The following HEATR5A variants were observed in gnomAD, a reference collection of about 807,000 sequenced individuals.
HEATR5A encodes the protein HEAT repeat containing 5A.
Under a neutral mutation model 218.8 loss-of-function variants are expected in HEATR5A, and 178 were observed. The observed-to-expected ratio is 0.81, with a 90% CI of 0.72 to 0.92. The LOEUF (loss-of-function observed/expected upper bound fraction) is 0.92. HEATR5A is among the 40% of genes least tolerant of loss of function. HEATR5A has a pLI of 0.00. For synonymous variants in HEATR5A, 864 were observed against 871.6 expected, an observed-to-expected ratio of 0.99 and a Z score of 0.15; for missense variants, 2,420 against 2,418.9, an observed-to-expected ratio of 1.00 and a Z score of -0.01.
rs1901157971 is a variant in HEATR5A at position 31,349,844 on chromosome 14, G to A, written c.2653C>T (p.Gln885Ter). The A allele has an allele frequency of 6.2e-7, 1 of 1,612,908 alleles. No homozygotes were observed. The highest frequency in any genetic ancestry group is 1.7e-5 in the Admixed American group (1 of 59,964). The change falls in exon 18 of 36, where the codon CAA (glutamine) becomes TAA (stop). Residue 885 changes from glutamine to a stop codon, truncating the protein, a stop_gained. Transcript: ENST00000543095. LOFTEE classifies it high-confidence loss of function. ...GTAAAAGCTCCATCATCTACCACTT[G>A]GGCTAATCTAGCCCATGACTCTGCA... ...AAAESWARLA[Q>*]VVDDGAFTAG...
At chr14:31,404,636 G>A (rs1017822663) in intron 1 of HEATR5A, among the ~76,000 whole-genome samples, 9 of 151,640 alleles carry the variant, frequency 5.9e-5, no homozygotes, top group Admixed American at 2.6e-4. Context: ...GCCAGGCACA[G>A]TGGCTCACAC....
At chr14:31,326,767 C>T (rs1214970232) in intron 22 of HEATR5A, among the ~76,000 whole-genome samples, 3 of 150,928 alleles carry the variant, frequency 2.0e-5, no homozygotes, top group East Asian at 3.9e-4. Flanking sequence ...CTCAGCCTCC[C>T]TAGTAGCTAG....
In HEATR5A at chr14:31,364,199, C is replaced by G. The variant is rs1329807837; in HGVS notation, c.2061G>C (p.Glu687Asp). The G allele has an allele frequency of 6.6e-7, 1 of 1,507,004 alleles. No homozygotes were observed. Among genetic ancestry groups the G allele is most frequent in the African/African-American group, 1.4e-5 (1 of 72,270 alleles). 93.4% of individuals were successfully genotyped at this position (1,507,004 alleles called of 1,614,324 possible). ...GTCTAAGGCACATACCTTCATAGGT[C>G]TCAGGAGGTAATAAAATCAACAGTT... The part of the protein sequence containing the change: ...LYELLILLPP[E>D]TYEGNLCAIL... The change falls in exon 14 of 36, where the codon GAG (glutamate) becomes GAC (aspartate). Residue 687 changes from glutamate to aspartate, a missense_variant. By Grantham distance (45) the Glu-to-Asp change is conservative (BLOSUM62 2). Coordinates refer to ENST00000543095, the MANE Select transcript of HEATR5A (RefSeq NM_015473.4).
chr14:31,419,613 T>G (rs1445624311), intron 1 of HEATR5A, among the ~76,000 whole-genome samples: 2 of 152,306 alleles, frequency 1.3e-5, no homozygotes, highest in East Asian at 3.9e-4. Context: ...AATAAATGAA[T>G]GCACATAAAA....
chr14:31,339,865 A>G lies in HEATR5A; in HGVS notation c.3229-2251T>C, dbSNP rs1350971539. On this transcript the variant is annotated intron_variant, in intron 21 of 35. Transcript: ENST00000543095. Reference sequence around the variant, plus strand: ...TGTATTTAACAACAATGACTAAAAAAGCACTTTACAAGACAATTTTAAAGG... The same window carrying G: ...TGTATTTAACAACAATGACTAAAAAGGCACTTTACAAGACAATTTTAAAGG... 2.0e-5 allele frequency among the ~76,000 whole-genome samples: 3 copies of G among 152,350 alleles called. No individual in the cohort carries two copies. The South Asian group carries it at 6.2e-4, about 32-fold the overall frequency.
At chr14:31,301,151 G>T (rs1054806384) in intron 33 of HEATR5A, among the ~76,000 whole-genome samples, 2 of 152,150 alleles carry the variant, frequency 1.3e-5, no homozygotes, top group Non-Finnish European at 2.9e-5. Flanking sequence ...AACTGGGAAG[G>T]CAGGGAAAAT....
chr14:31,334,945 C>CAAAA (rs58661759), intron 22 of HEATR5A, among the ~76,000 whole-genome samples: 18 of 96,594 alleles, frequency 1.9e-4, no homozygotes, highest in Non-Finnish European at 2.1e-4. Flanking sequence ...GATTCCATCT[C>CAAAA]AAAAAAAAAA....
intron 1 of HEATR5A, among the ~76,000 whole-genome samples, chr14:31,405,316 C>A (rs914857683): frequency 3.9e-5 from 6 of 152,094 alleles, no homozygotes; most frequent in Admixed American, 1.3e-4. Context: ...CACCTGCGGT[C>A]CCAGCTGATT....
intron 16 of HEATR5A, among the ~76,000 whole-genome samples, chr14:31,356,813 A>T (rs1901441960): frequency 6.6e-6 from 1 of 152,164 alleles, no homozygotes; most frequent in African/African-American, 2.4e-5. Flanking sequence ...AGAATAGTAA[A>T]ATCACTTTTT....
intron 4 of HEATR5A, among the ~76,000 whole-genome samples, chr14:31,397,850 T>A (rs986873677): frequency 6.6e-6 from 1 of 152,044 alleles, no homozygotes; most frequent in African/African-American, 2.4e-5. Context: ...AGAGACAGGG[T>A]CTTCCAGTGT....
intron 24 of HEATR5A, among the ~76,000 whole-genome samples, chr14:31,323,276 TC>T (rs1900166624): frequency 6.6e-6 from 1 of 152,174 alleles, no homozygotes; most frequent in African/African-American, 2.4e-5. Flanking sequence ...TATTCCTGCC[TC>T]AGCCTCCCCA....
chr14:31,409,803 C>G (rs770144913), intron 1 of HEATR5A, among the ~76,000 whole-genome samples: 4 of 152,166 alleles, frequency 2.6e-5, no homozygotes, highest in Admixed American at 6.5e-5. Context: ...TCAACAATGT[C>G]AACAAATATA....
At chr14:31,344,500 G>C (rs947680224) in intron 20 of HEATR5A, among the ~76,000 whole-genome samples, 1 of 36,306 alleles carries the variant, frequency 2.8e-5, no homozygotes, top group Non-Finnish European at 1.2e-4. Flanking sequence ...GGCTGGTCTC[G>C]AACTCCTGAC....
rs1418663611 is a variant in HEATR5A, at chr14:31,403,014, C to A, written c.-39G>T. ...CCTCCCAGCTGATCACAGTTCTTCTCGTTAAACTTTGGTCAATATACCTAA... is the reference window on the plus strand; with the variant it reads ...CCTCCCAGCTGATCACAGTTCTTCTAGTTAAACTTTGGTCAATATACCTAA... On this transcript the variant is annotated 5_prime_UTR_variant, in exon 2 of 36. Coordinates refer to ENST00000543095, the MANE Select transcript of HEATR5A (RefSeq NM_015473.4). 1 of 1,519,414 alleles carries A rather than the reference C, an allele frequency of 6.6e-7. No homozygotes were observed. The allele number at this position is 1,519,414 out of a possible 1,614,324, so 94.1% of individuals were successfully genotyped here.
chr14:31,351,046 G>A (rs1901209167), intron 16 of HEATR5A, among the ~76,000 whole-genome samples: 1 of 152,160 alleles, frequency 6.6e-6, no homozygotes, highest in Non-Finnish European at 1.5e-5. Flanking sequence ...CTCCCAAAGT[G>A]CTGGGATTAC....
At chr14:31,336,670 G>A (rs577198677) in intron 22 of HEATR5A, among the ~76,000 whole-genome samples, 22 of 152,228 alleles carry the variant, frequency 1.4e-4, no homozygotes, top group African/African-American at 4.8e-4. Context: ...TGTAGCAGAC[G>A]TATCTATAAT....
Position 31,302,505 on chromosome 14 carries a change from G to GT in HEATR5A, c.5253_5254insA (p.Leu1752ThrfsTer55). ...ATTGTGAGGTACAATATAGTAGGGA[G>GT]AATTGAGATGCTTCCTGTAAGATAC... On this transcript the variant is annotated frameshift_variant, in exon 33 of 36. Coordinates refer to ENST00000543095, the MANE Select transcript of HEATR5A (RefSeq NM_015473.4). LOFTEE classifies it high-confidence loss of function. 6.4e-7 allele frequency: 1 copy of GT among 1,572,724 alleles called. No homozygotes were observed. Among genetic ancestry groups the GT allele is most frequent in the Non-Finnish European group, 8.6e-7 (1 of 1,156,724 alleles).
chr14:31,304,774 G>T, intron 32 of HEATR5A, 131 bp downstream of exon 32: 1 of 900,442 alleles, frequency 1.1e-6, no homozygotes, highest in Non-Finnish European at 1.7e-6. Flanking sequence ...AATCTTAGAG[G>T]ATTAAAGACA....
intron 23 of HEATR5A, 153 bp downstream of exon 23, chr14:31,326,010 T>C: frequency 1.6e-6 from 1 of 641,434 alleles, no homozygotes; most frequent in Non-Finnish European, 2.7e-6. Context: ...TCTAAAACAC[T>C]AGAAATACAA....
Sources: gnomAD v4.1 joint callset for allele counts (sites outside exome capture counted in the v4.1 genomes callset) on GRCh38, gnomAD v4.1.1 for gene constraint, MANE v1.5 for transcripts, NCBI Gene and HGNC (gene_info 2026-07-23, HGNC 2026-07-21) for gene names.